The following ERCC6L2 variants were observed in gnomAD, a reference collection of about 807,000 sequenced individuals.
ERCC6L2 encodes the protein ERCC excision repair 6 like 2, also known as DNA excision repair protein ERCC-6-like 2.
A neutral mutation model predicts 132.0 loss-of-function variants in ERCC6L2; 77 were observed. That is an observed-to-expected ratio of 0.58 (90% CI 0.49 to 0.71). The LOEUF is 0.71. ERCC6L2 is among the 30% of genes least tolerant of loss of function. The pLI is 0.00. For synonymous variants in ERCC6L2, 583 were observed against 632.4 expected (o/e 0.92, Z 1.17); for missense variants, 1,542 against 1,837.6 (o/e 0.84, Z 2.94).
intron 3 of ERCC6L2, among the ~76,000 whole-genome samples, chr9:95,900,202 A>G: frequency 6.6e-6 from 1 of 152,068 alleles, no homozygotes; most frequent in Non-Finnish European, 1.5e-5. Flanking sequence ...CACCATAAGA[A>G]TACCCTGTCT....
rs534452708 is a variant in ERCC6L2 at position 96,015,720 on chromosome 9, G to A, written c.*2517G>A. Among the ~76,000 whole-genome samples, 17 of 152,020 alleles carry A rather than the reference G, an allele frequency of 1.1e-4. No individual in the cohort carries two copies. In the East Asian group the frequency reaches 1.4e-3, roughly 12 times the overall value. On this transcript the variant is annotated 3_prime_UTR_variant, in exon 19 of 19. Transcript: ENST00000653738. Reference sequence around the variant, plus strand: ...CGGGAGGCTGAGGCAGGAGAATGGCGTGAACCTGGGAGGCAGAGCTTGCAG... The same window carrying A: ...CGGGAGGCTGAGGCAGGAGAATGGCATGAACCTGGGAGGCAGAGCTTGCAG...
chr9:95,888,068 G>T (rs1232730933), intron 2 of ERCC6L2, among the ~76,000 whole-genome samples: 19 of 138,934 alleles, frequency 1.4e-4, no homozygotes, highest in East Asian at 4.1e-4. Context: ...GCACTTTGTG[G>T]TTTTTTTTTT....
At chr9:95,937,894 A>C (rs1830627082) in intron 11 of ERCC6L2, among the ~76,000 whole-genome samples, 1 of 151,398 alleles carries the variant, frequency 6.6e-6, no homozygotes. Flanking sequence ...GGAGGACCTC[A>C]GATTATTGGT....
chr9:95,992,021 T>C (rs1036791316), intron 17 of ERCC6L2, among the ~76,000 whole-genome samples: 4 of 152,198 alleles, frequency 2.6e-5, no homozygotes, highest in African/African-American at 9.7e-5. Context: ...CATATCTGTA[T>C]GAGACCAATT....
At chr9:95,970,723 T>G in intron 15 of ERCC6L2, 67 bp downstream of exon 15, 1 of 1,107,778 alleles carries the variant, frequency 9.0e-7, no homozygotes, top group Non-Finnish European at 1.2e-6. Flanking sequence ...TTTTGTTTCT[T>G]TTCCTTTTTC....
intron 3 of ERCC6L2, among the ~76,000 whole-genome samples, chr9:95,904,399 G>A (rs879886232): frequency 3.3e-5 from 5 of 152,174 alleles, no homozygotes; most frequent in Admixed American, 3.3e-4. Flanking sequence ...ACTATATGAA[G>A]TACTGAAGTT....
chr9:95,962,858 C>T (rs933501735), intron 13 of ERCC6L2, among the ~76,000 whole-genome samples: 12 of 151,900 alleles, frequency 7.9e-5, no homozygotes, highest in African/African-American at 2.9e-4. Context: ...TAGATATAGC[C>T]CCATCATAAA....
intron 16 of ERCC6L2, 39 bp downstream of exon 16, chr9:95,973,127 T>C (rs776413660): frequency 8.2e-7 from 1 of 1,213,626 alleles, no homozygotes; most frequent in South Asian, 1.5e-5. Flanking sequence ...AAAAAGTATA[T>C]TTGTTTTATC....
rs368120641 is a variant in ERCC6L2, at chr9:95,877,339, CT to C, written c.46+1267del. Among the ~76,000 whole-genome samples the C allele has an allele frequency of 2.5e-3, 360 of 143,802 alleles. 1 individual carries two copies. The highest frequency in any genetic ancestry group is 7.6e-3 in the East Asian group (38 of 5,032). 94.3% of individuals were successfully genotyped at this position (143,802 alleles called of 152,430 possible). A position where few individuals can be genotyped will look rare whatever the true frequency, so the allele number is the denominator to read the frequency against. ...AATAAGTTGTGTGATTCCCTTAAGG[CT>C]TTTTTTTTTTTGCACATGCTGTACA... On this transcript the variant is annotated intron_variant, in intron 1 of 18. Coordinates refer to ENST00000653738, the MANE Select transcript of ERCC6L2 (RefSeq NM_020207.7).
chr9:95,884,446 A>G (rs1321858743), intron 2 of ERCC6L2, among the ~76,000 whole-genome samples: 1 of 151,330 alleles, frequency 6.6e-6, no homozygotes, highest in African/African-American at 2.4e-5. Context: ...AAAATAGACC[A>G]TTGACATTTA....
At chr9:96,020,614 G>A (rs1834269672), downstream of ERCC6L2, 1 of 377,854 alleles carries the variant, frequency 2.6e-6, no homozygotes, top group Non-Finnish European at 5.2e-6. Flanking sequence ...TCCCCTAGGT[G>A]GACGCTAAGG....
At chr9:95,882,071 T>A (rs1827626896) in intron 2 of ERCC6L2, among the ~76,000 whole-genome samples, 1 of 152,196 alleles carries the variant, frequency 6.6e-6, no homozygotes, top group South Asian at 2.1e-4. Context: ...CCTCAGTTTC[T>A]TGTGAGCTGT....
At chr9:96,002,736 A>T (rs1833732093) in intron 17 of ERCC6L2, among the ~76,000 whole-genome samples, 1 of 152,058 alleles carries the variant, frequency 6.6e-6, no homozygotes, top group South Asian at 2.1e-4. Flanking sequence ...GCCTGGCCTA[A>T]TTTGGCATTT....
chr9:96,035,217 T>G (rs1328302000), intron 19 of ERCC6L2, among the ~76,000 whole-genome samples: 1 of 152,116 alleles, frequency 6.6e-6, no homozygotes, highest in African/African-American at 2.4e-5. Flanking sequence ...GCAGACAGAT[T>G]CCTGAGCAGA....
At chr9:95,968,079 T>C (rs1485949004) in intron 14 of ERCC6L2, 1 of 152,154 alleles carries the variant, frequency 6.6e-6, no homozygotes, top group East Asian at 1.9e-4. Flanking sequence ...AAAAGTTCCC[T>C]TGTTTATCGT....
At chr9:95,886,797 C>T (rs1416339469) in intron 2 of ERCC6L2, among the ~76,000 whole-genome samples, 1 of 152,114 alleles carries the variant, frequency 6.6e-6, no homozygotes, top group African/African-American at 2.4e-5. Context: ...ATATTTGAGT[C>T]AGTGGGCTGG....
chr9:95,918,185 T>C, intron 6 of ERCC6L2: 1 of 472,514 alleles, frequency 2.1e-6, no homozygotes, highest in Non-Finnish European at 4.2e-6. Flanking sequence ...GCAGAGGAAA[T>C]GGAGGCAGTC....
At position 95,921,255 on chromosome 9, in the gene ERCC6L2, T is replaced by G. The variant is rs779194331; in HGVS notation, c.1239T>G (p.Leu413=). 7.4e-6 allele frequency: 12 copies of G among 1,613,750 alleles called. No homozygotes were observed. Among genetic ancestry groups the G allele is most frequent in the Non-Finnish European group, 8.5e-6 (10 of 1,179,752 alleles). ...VLETEDVTLI[L]QSSEPCTCRS... ...AAACAGAGGACGTGACTTTGATACTTCAATCTTCTGAGCCTTGTACCTGTA... is the reference window on the plus strand; with the variant it reads ...AAACAGAGGACGTGACTTTGATACTGCAATCTTCTGAGCCTTGTACCTGTA... The change falls in exon 7 of 19, where the codon CTT becomes CTG. Residue 413 remains leucine (L), a synonymous_variant. Transcript: ENST00000653738.
In ERCC6L2 at chr9:95,922,316, T is replaced by C. The variant is rs748661414; in HGVS notation, c.1311T>C (p.His437=). Residue 437 remains histidine (H), a synonymous_variant, in exon 8 of 19, where the codon CAT becomes CAC. Transcript: ENST00000653738. ...RRNCCYKTNS[H]GETVKTLYLS... ...TTTTCTGGTTACAGACCAATTCTCATGGTGAAACAGTGAAAACCTTGTATC... is the reference window on the plus strand; with the variant it reads ...TTTTCTGGTTACAGACCAATTCTCACGGTGAAACAGTGAAAACCTTGTATC... 12 of 1,606,790 alleles carry C rather than the reference T, an allele frequency of 7.5e-6. No homozygotes were observed. In the African/African-American group the frequency reaches 1.5e-4, roughly 20 times the overall value.
Sources: allele counts gnomAD v4.1 joint callset (sites outside exome capture counted in the v4.1 genomes callset), GRCh38; gene constraint gnomAD v4.1.1; transcripts MANE v1.5; gene names NCBI Gene and HGNC (gene_info 2026-07-23, HGNC 2026-07-21).